The following AGBL4 variants were observed in gnomAD, a reference collection of about 807,000 sequenced individuals.
The protein encoded by AGBL4 is AGBL carboxypeptidase 4.
A neutral mutation model predicts 66.4 loss-of-function variants in AGBL4; 58 were observed. The ratio of observed to expected loss-of-function variants is 0.87; its 90% CI spans 0.71 to 1.09. The LOEUF is 1.09. Among genes scored for constraint, AGBL4 ranks in the 50% least tolerant of loss-of-function variants. The probability of loss-of-function intolerance (pLI) is 0.00; values close to 1 mark genes in which losing one functional copy is unlikely to be tolerated. For synonymous variants in AGBL4, 234 were observed against 222.9 expected (o/e 1.05, Z -0.44); for missense variants, 579 against 631.0 (o/e 0.92, Z 0.88).
intron 6 of AGBL4, among the ~76,000 whole-genome samples, chr1:48,804,850 C>G (rs1645887135): frequency 6.6e-6 from 1 of 152,156 alleles, no homozygotes; most frequent in South Asian, 2.1e-4. Flanking sequence ...ATAGGAAGCT[C>G]AGAAATTTTG....
intron 3 of AGBL4, among the ~76,000 whole-genome samples, chr1:49,283,390 C>G (rs980307238): frequency 1.3e-5 from 2 of 152,128 alleles, no homozygotes; most frequent in Admixed American, 6.5e-5. Flanking sequence ...TCATCAAAGA[C>G]CAAAAGTAGA....
intron 4 of AGBL4, among the ~76,000 whole-genome samples, chr1:49,172,768 T>C (rs1646762069): frequency 6.6e-6 from 1 of 152,186 alleles, no homozygotes; most frequent in African/African-American, 2.4e-5. Context: ...TTGAATATTA[T>C]TGTAGCAACA....
At chr1:48,608,543 GTGGATGGA>G (rs111391043) in intron 9 of AGBL4, among the ~76,000 whole-genome samples, 2 of 151,264 alleles carry the variant, frequency 1.3e-5, no homozygotes, top group East Asian at 1.9e-4. Flanking sequence ...AGTCAGAGAA[GTGGATGGA>G]TGGATGGATG....
intron 6 of AGBL4, among the ~76,000 whole-genome samples, chr1:48,677,448 G>A (rs940262794): frequency 2.6e-5 from 4 of 152,172 alleles, no homozygotes; most frequent in African/African-American, 9.7e-5. Flanking sequence ...TCCTAGGAGG[G>A]TAGGAGAAGG....
In AGBL4 at chr1:48,817,964, T is replaced by C. The variant is rs1646220811; in HGVS notation, c.634+49227A>G. On this transcript the variant is annotated intron_variant, in intron 6 of 13. Transcript: ENST00000371839. ...CAAAAAGCTAATACGTTCCTGTTTG[T>C]CCAGAGCCTCAGTGACTTCTTAAGC... is the stretch of plus-strand genomic sequence containing the variant. The C allele has an allele frequency of 7.4e-6, 5 of 679,666 alleles. No homozygotes were observed. The East Asian group carries it at 1.3e-4, about 18-fold the overall frequency. 42.1% of individuals were successfully genotyped at this position (679,666 alleles called of 1,614,324 possible).
At chr1:49,611,594 G>C (rs1186171336) in intron 3 of AGBL4, among the ~76,000 whole-genome samples, 1 of 151,970 alleles carries the variant, frequency 6.6e-6, no homozygotes, top group African/African-American at 2.4e-5. Flanking sequence ...ATCCAGGATG[G>C]TCTCGATCTC....
At chr1:48,832,961 G>C (rs1378773627) in intron 6 of AGBL4, among the ~76,000 whole-genome samples, 1 of 152,206 alleles carries the variant, frequency 6.6e-6, no homozygotes, top group Non-Finnish European at 1.5e-5. Context: ...TCAAACTGGA[G>C]CTACATCACC....
intron 5 of AGBL4, among the ~76,000 whole-genome samples, chr1:48,911,869 C>T (rs1224190444): frequency 6.6e-6 from 1 of 152,120 alleles, no homozygotes; most frequent in African/African-American, 2.4e-5. Flanking sequence ...CCTTAGGGTT[C>T]TACAGCATAT....
intron 3 of AGBL4, among the ~76,000 whole-genome samples, chr1:49,429,050 T>C (rs1645726618): frequency 6.6e-6 from 1 of 152,246 alleles, no homozygotes; most frequent in Admixed American, 6.5e-5. Context: ...ACAAATTATA[T>C]GTTCCAGACT....
At chr1:49,067,169 G>C (rs1644506778) in intron 4 of AGBL4, among the ~76,000 whole-genome samples, 2 of 152,180 alleles carry the variant, frequency 1.3e-5, no homozygotes, top group Admixed American at 6.5e-5. Flanking sequence ...AGACCCATTT[G>C]AGTTGGGCCT....
intron 1 of AGBL4, among the ~76,000 whole-genome samples, chr1:49,935,703 C>T (rs922095576): frequency 5.3e-5 from 8 of 152,144 alleles, no homozygotes; most frequent in Admixed American, 2.0e-4. Flanking sequence ...CTACGGCCAC[C>T]GCTGCTGATA....
intron 4 of AGBL4, among the ~76,000 whole-genome samples, chr1:49,074,303 C>T (rs1219330373): frequency 1.3e-5 from 2 of 152,228 alleles, no homozygotes; most frequent in Non-Finnish European, 2.9e-5. Context: ...TCTCTCAAGG[C>T]TTCCCTTGGC....
At chr1:48,852,781 A>G in intron 6 of AGBL4, among the ~76,000 whole-genome samples, 1 of 152,192 alleles carries the variant, frequency 6.6e-6, no homozygotes, top group East Asian at 1.9e-4. Context: ...GCCAATCTCA[A>G]AAAGCGAGGC....
At chr1:48,766,147 C>A (rs1384531071) in intron 6 of AGBL4, among the ~76,000 whole-genome samples, 2 of 152,080 alleles carry the variant, frequency 1.3e-5, no homozygotes, top group African/African-American at 2.4e-5. Context: ...ATGTCAGATA[C>A]CTCTATAAAG....
chr1:49,009,148 AAAAG>A (rs1276605351), intron 5 of AGBL4, among the ~76,000 whole-genome samples: 1 of 152,068 alleles, frequency 6.6e-6, no homozygotes, highest in Non-Finnish European at 1.5e-5. Flanking sequence ...AATAAAGAAA[AAAAG>A]AGAGAAGAAT....
intron 1 of AGBL4, among the ~76,000 whole-genome samples, chr1:49,978,930 G>A (rs1158430134): frequency 6.6e-6 from 1 of 152,070 alleles, no homozygotes; most frequent in Non-Finnish European, 1.5e-5. Flanking sequence ...ACATGGGTTT[G>A]GACTGTGTGG....
intron 6 of AGBL4, among the ~76,000 whole-genome samples, chr1:48,719,401 A>G (rs1647107269): frequency 6.6e-6 from 1 of 152,216 alleles, no homozygotes; most frequent in South Asian, 2.1e-4. Flanking sequence ...TCTGCCCCTC[A>G]TCATCTCTCA....
chr1:49,282,950 G>A (rs950519041), intron 3 of AGBL4, among the ~76,000 whole-genome samples: 8 of 152,164 alleles, frequency 5.3e-5, no homozygotes, highest in South Asian at 2.1e-4. Context: ...GGGGAGGGGC[G>A]CCCGCCATTG....
At chr1:49,924,597 G>A (rs963549054) in intron 1 of AGBL4, among the ~76,000 whole-genome samples, 1 of 152,042 alleles carries the variant, frequency 6.6e-6, no homozygotes, top group African/African-American at 2.4e-5. Flanking sequence ...CTGCATAGGT[G>A]TATGAATAAT....
Sources: gnomAD v4.1 joint callset for allele counts (sites outside exome capture counted in the v4.1 genomes callset) on GRCh38, gnomAD v4.1.1 for gene constraint, MANE v1.5 for transcripts, NCBI Gene and HGNC (gene_info 2026-07-23, HGNC 2026-07-21) for gene names.